The following GNAS variants were observed in gnomAD, a reference collection of about 807,000 sequenced individuals.
GNAS encodes the protein protein ALEX.
In GNAS, 8 loss-of-function variants were observed where a neutral mutation model predicts 54.5. The ratio of observed to expected loss-of-function variants is 0.15; its 90% CI spans 0.09 to 0.26. The LOEUF (loss-of-function observed/expected upper bound fraction) is 0.26. GNAS is among the 10% of genes least tolerant of loss of function. GNAS has a pLI of 1.00. For synonymous variants in GNAS, 204 were observed against 191.4 expected, an observed-to-expected ratio of 1.07 and a Z score of -0.54; for missense variants, 170 against 529.8, an observed-to-expected ratio of 0.32 and a Z score of 6.67.
chr20:58,862,743 C>T (rs951915008), intron 1 of GNAS, among the ~76,000 whole-genome samples: 5 of 151,506 alleles, frequency 3.3e-5, no homozygotes, highest in Non-Finnish European at 5.9e-5. Flanking sequence ...GCCACCTTGC[C>T]ACATTTATAA....
At chr20:58,907,939 A>G (rs565539176) in intron 6 of GNAS, among the ~76,000 whole-genome samples, 17 of 152,182 alleles carry the variant, frequency 1.1e-4, no homozygotes, top group Non-Finnish European at 2.5e-4. Flanking sequence ...CTCTCTCACA[A>G]GATTTGGTGC....
Position 58,841,668 on chromosome 20 carries a change from T to G in GNAS, c.43+782T>G. 3 of 1,152,058 alleles carry G rather than the reference T, an allele frequency of 2.6e-6. No individual in the cohort carries two copies. Among genetic ancestry groups the G allele is most frequent in the Non-Finnish European group, 2.1e-6 (2 of 936,834 alleles). 71.4% of individuals were successfully genotyped at this position (1,152,058 alleles called of 1,614,324 possible). ...CGGCGGGCGGTTAGGGGAAAGTACCTGGGGGAAAGGTAGAGGAGGTAAGGG... is the reference window on the plus strand; with the variant it reads ...CGGCGGGCGGTTAGGGGAAAGTACCGGGGGGAAAGGTAGAGGAGGTAAGGG... On this transcript the variant is annotated intron_variant, in intron 1 of 12. Transcript: ENST00000306090. The surrounding 1 kb of genome is among the most constrained non-coding windows in gnomAD (Gnocchi z 5.0).
At chr20:58,851,454 G>T (rs1415514877) in intron 1 of GNAS, among the ~76,000 whole-genome samples, 2 of 152,134 alleles carry the variant, frequency 1.3e-5, no homozygotes, top group African/African-American at 4.8e-5. Flanking sequence ...ATGACCCCCT[G>T]CCTCCTGCCC....
At chr20:58,855,418 G>T in intron 1 of GNAS, 1 of 1,240,352 alleles carries the variant, frequency 8.1e-7, no homozygotes, top group Non-Finnish European at 1.2e-6. Context: ...GGGGCTAGGG[G>T]CTCCGCAGTG....
At chr20:58,850,890 C>A (rs1027531412) in intron 1 of GNAS, 1 of 398,674 alleles carries the variant, frequency 2.5e-6, no homozygotes, top group African/African-American at 2.1e-5. Flanking sequence ...GGCGTTCCAA[C>A]GCGGCGCCCC....
At chr20:58,840,526 G>A (rs778096004), upstream of GNAS, 3 of 1,613,592 alleles carry the variant, frequency 1.9e-6, no homozygotes, top group Non-Finnish European at 2.5e-6. This position sits in a 1 kb window ranked among gnomAD's most constrained non-coding sequence, Gnocchi z 6.0. Flanking sequence ...CCGAGACCGA[G>A]CCTGAAGACG....
At position 58,841,197 on chromosome 20, in the gene GNAS, G is replaced by T; in HGVS notation, c.43+311G>T. ...TGAATCCCGAACGCACCCCAGATTT[G>T]GAGCTGCACACCCAAACGGCATTGG... is the stretch of plus-strand genomic sequence containing the variant. On this transcript the variant is annotated intron_variant, in intron 1 of 12. Transcript: ENST00000306090. The surrounding 1 kb of genome is among the most constrained non-coding windows in gnomAD (Gnocchi z 5.0). 3 of 567,424 alleles carry T rather than the reference G, an allele frequency of 5.3e-6. No individual in the cohort carries two copies. Among genetic ancestry groups the T allele is most frequent in the South Asian group, 2.6e-5 (1 of 38,748 alleles). The allele number at this position is 567,424 out of a possible 1,614,324, so 35.1% of individuals were successfully genotyped here.
chr20:58,883,215 T>C (rs1372157315), intron 1 of GNAS, among the ~76,000 whole-genome samples: 1 of 152,230 alleles, frequency 6.6e-6, no homozygotes, highest in Non-Finnish European at 1.5e-5. Context: ...GCCGAGTCTG[T>C]CTGCCTTCTG....
intron 6 of GNAS, among the ~76,000 whole-genome samples, chr20:58,907,077 GC>G (rs1416309347): frequency 2.6e-5 from 4 of 152,180 alleles, no homozygotes; most frequent in Non-Finnish European, 5.9e-5. Context: ...TTACTTAGTA[GC>G]CTCAAGCCCA....
rs60022134 is a variant in GNAS at position 58,902,725 on chromosome 20, C to CTTTTTTTTTTTTTTT, written c.258-792_258-778dup. Among the ~76,000 whole-genome samples the CTTTTTTTTTTTTTTT allele has an allele frequency of 1.3e-3, 92 of 69,508 alleles. 16 individuals are homozygous for CTTTTTTTTTTTTTTT. The highest frequency in any genetic ancestry group is 6.1e-3 in the African/African-American group (91 of 15,014). 45.6% of individuals were successfully genotyped at this position (69,508 alleles called of 152,430 possible). Reference sequence around the variant, plus strand: ...AGTGCCTGGAGCATCGCACATACGACTTTTTTTTTTTTTTTTTTTTTTTTT... The same window carrying CTTTTTTTTTTTTTTT: ...AGTGCCTGGAGCATCGCACATACGACTTTTTTTTTTTTTTTTTTTTTTTTTTTTTTTTTTTTTTTT... On this transcript the variant is annotated intron_variant, in intron 3 of 12. Coordinates refer to ENST00000371085, the MANE Select transcript of GNAS (RefSeq NM_000516.7).
chr20:58,871,275 G>A (rs1230817467), intron 1 of GNAS, among the ~76,000 whole-genome samples: 2 of 152,152 alleles, frequency 1.3e-5, no homozygotes, highest in East Asian at 3.8e-4. Context: ...GAGAGACAAA[G>A]AGAAATTAAG....
chr20:58,888,769 C>G (rs2088789714), upstream of GNAS: 1 of 152,204 alleles, frequency 6.6e-6, no homozygotes, highest in Non-Finnish European at 1.5e-5. Flanking sequence ...CTCTCTGACA[C>G]CTACCTCGGC....
rs140651291 is a variant in GNAS, at chr20:58,858,786, TTC to T, written c.43+17918_43+17919del. On this transcript the variant is annotated intron_variant, in intron 1 of 12. Coordinates refer to the GNAS transcript ENST00000306090. ...GCAGAAGCACCTTTTTATTTTTCTT[TTC>T]TCTCTCTCTCTCTCTCTTTTTTAAC... 6.2e-3 allele frequency among the ~76,000 whole-genome samples: 929 copies of T among 150,152 alleles called. 5 individuals carry two copies. The highest frequency in any genetic ancestry group is 8.7e-3 in the Non-Finnish European group (588 of 67,270).
At chr20:58,871,890 T>A (rs987753468) in intron 1 of GNAS, among the ~76,000 whole-genome samples, 7 of 152,138 alleles carry the variant, frequency 4.6e-5, no homozygotes, top group Non-Finnish European at 8.8e-5. Flanking sequence ...CAAGTGATTA[T>A]CCTTCTACCA....
At position 58,910,238 on chromosome 20, in the gene GNAS, T is replaced by C. The variant is rs1376241600; in HGVS notation, c.971-96T>C. 1 of 1,276,542 alleles carries C rather than the reference T, an allele frequency of 7.8e-7. No individual in the cohort carries two copies. The highest frequency in any genetic ancestry group is 1.1e-6 in the Non-Finnish European group (1 of 872,156). 79.1% of individuals were successfully genotyped at this position (1,276,542 alleles called of 1,614,324 possible). On this transcript the variant is annotated intron_variant, in intron 11 of 12. Coordinates refer to ENST00000371085, the MANE Select transcript of GNAS (RefSeq NM_000516.7). The surrounding 1 kb of genome is among the most constrained non-coding windows in gnomAD (Gnocchi z 5.8). ...TCCCACTAATTCTCATATGGAAAAA[T>C]CAGGGTTTTGAAGACTTCAGGAGCT...
intron 2 of GNAS, 154 bp from the exon 3 acceptor site, chr20:58,898,787 C>A: frequency 2.6e-6 from 2 of 765,450 alleles, no homozygotes; most frequent in Non-Finnish European, 4.7e-6. Flanking sequence ...GCCAGAAAGG[C>A]GACCTAAGAA....
At position 58,853,603 on chromosome 20, in the gene GNAS, G is replaced by C; in HGVS notation, c.43+12717G>C. 1.2e-6 allele frequency: 2 copies of C among 1,613,322 alleles called. No individual in the cohort carries two copies. The highest frequency in any genetic ancestry group is 1.7e-6 in the Non-Finnish European group (2 of 1,179,872). On this transcript the variant is annotated intron_variant, in intron 1 of 12. Transcript: ENST00000306090. This position sits in a 1 kb window ranked among gnomAD's most constrained non-coding sequence, Gnocchi z 4.4. ...GAGGCTGAACAGCCCAGCTTGGGAG[G>C]CTTCTGGCCTACACTGGAGCAGCCT...
chr20:58,893,364 C>A (rs957982741), intron 1 of GNAS, among the ~76,000 whole-genome samples: 25 of 152,068 alleles, frequency 1.6e-4, no homozygotes, highest in African/African-American at 6.0e-4. Flanking sequence ...AAAAGAATTA[C>A]ACAGCATTAA....
rs2146294128 is a variant in GNAS, at chr20:58,910,074, T to C, written c.963T>C (p.Pro321=). ...YFPEFARYTT[P]EDATPEPGED... ...CAGAATTTGCTCGCTACACTACTCC[T>C]GAGGATGGTGTGTATGGCTTCCACT... The change falls in exon 11 of 13, where the codon CCT becomes CCC. Residue 321 remains proline (P), a synonymous_variant. Transcript: ENST00000371085. The surrounding 1 kb of genome is among the most constrained non-coding windows in gnomAD (Gnocchi z 5.8). The C allele has an allele frequency of 6.2e-7, 1 of 1,613,652 alleles. No individual in the cohort carries two copies. The highest frequency in any genetic ancestry group is 1.6e-4 in the Middle Eastern group (1 of 6,062).
Sources: gnomAD v4.1 joint callset for allele counts (sites outside exome capture counted in the v4.1 genomes callset) on GRCh38, gnomAD v4.1.1 for gene constraint, Gnocchi (gnomAD v3.1) non-coding constraint, MANE v1.5 for transcripts, NCBI Gene and HGNC (gene_info 2026-07-23, HGNC 2026-07-21) for gene names.